The following HS3ST2 variants were observed in gnomAD, a reference collection of about 807,000 sequenced individuals.
HS3ST2 encodes the protein heparan sulfate-glucosamine 3-sulfotransferase 2, also known as heparan sulfate glucosamine 3-O-sulfotransferase 2.
A neutral mutation model predicts 26.3 loss-of-function variants in HS3ST2; 17 were observed. That is an observed-to-expected ratio of 0.65 (90% CI 0.44 to 0.97). The LOEUF is 0.97. HS3ST2 is among the 50% of genes least tolerant of loss of function. HS3ST2 has a pLI of 0.00. For missense variants in HS3ST2, 402 were observed against 501.2 expected (o/e 0.80, Z 1.89); for synonymous variants, 237 against 219.2 (o/e 1.08, Z -0.72).
rs978093863 is a variant in HS3ST2, at chr16:22,861,269, G to T, written c.485+46174G>T. ...CTAGAACCACAGCCCAGTCTGGGGG[G>T]TCCATCAGAGACTCTACACTTGTGG... On this transcript the variant is annotated intron_variant, in intron 1 of 1. Coordinates refer to ENST00000261374, the MANE Select transcript of HS3ST2 (RefSeq NM_006043.2). Among the ~76,000 whole-genome samples the T allele has an allele frequency of 3.9e-5, 6 of 152,034 alleles. No homozygotes were observed. In the Middle Eastern group the frequency reaches 0.014, roughly 345 times the overall value.
chr16:22,835,030 T>C (rs1901233812), intron 1 of HS3ST2, among the ~76,000 whole-genome samples: 1 of 152,204 alleles, frequency 6.6e-6, no homozygotes, highest in Non-Finnish European at 1.5e-5. Context: ...TTTAGTGTTT[T>C]ATTACTTCAG....
rs62049086 is a variant in HS3ST2, at chr16:22,914,936, C to T, written c.486-8C>T. ...CTATTTGATGATGTATTCCTTCTGCCCACACAGGAGCCTGATGCCCAGGAC... is the reference window on the plus strand; with the variant it reads ...CTATTTGATGATGTATTCCTTCTGCTCACACAGGAGCCTGATGCCCAGGAC... On this transcript the variant is annotated splice_region_variant and splice_polypyrimidine_tract_variant and intron_variant, in intron 1 of 1. Coordinates refer to ENST00000261374, the MANE Select transcript of HS3ST2 (RefSeq NM_006043.2). 166,851 of 1,604,768 alleles carry T rather than the reference C, an allele frequency of 0.1. 9,462 individuals are homozygous for T. Among genetic ancestry groups the T allele is most frequent in the Non-Finnish European group, 0.12 (139,400 of 1,177,308 alleles).
At chr16:22,870,032 G>T (rs575010708) in intron 1 of HS3ST2, among the ~76,000 whole-genome samples, 1 of 152,020 alleles carries the variant, frequency 6.6e-6, no homozygotes, top group Non-Finnish European at 1.5e-5. Context: ...TTAAAATGTA[G>T]GTATAATTTA....
At chr16:22,904,199 A>T (rs1174355705) in intron 1 of HS3ST2, among the ~76,000 whole-genome samples, 1 of 152,116 alleles carries the variant, frequency 6.6e-6, no homozygotes, top group Non-Finnish European at 1.5e-5. Context: ...CCCTCACACT[A>T]GGAAAAGGGG....
intron 1 of HS3ST2, among the ~76,000 whole-genome samples, chr16:22,902,048 T>A (rs923767405): frequency 1.3e-5 from 2 of 152,206 alleles, no homozygotes; most frequent in African/African-American, 4.8e-5. Flanking sequence ...AACTGTTAAA[T>A]GTATTGTGTA....
At chr16:22,845,781 G>C (rs560531140) in intron 1 of HS3ST2, among the ~76,000 whole-genome samples, 3 of 152,300 alleles carry the variant, frequency 2.0e-5, no homozygotes, top group African/African-American at 7.2e-5. Context: ...AAGCAACTTA[G>C]TAGGATGCTG....
intron 1 of HS3ST2, among the ~76,000 whole-genome samples, chr16:22,864,136 T>C (rs1901716225): frequency 6.6e-6 from 1 of 152,208 alleles, no homozygotes; most frequent in Admixed American, 6.5e-5. Context: ...TGACTGGCAG[T>C]CACCCAAACC....
chr16:22,823,458 T>C (rs1901031373), intron 1 of HS3ST2, among the ~76,000 whole-genome samples: 1 of 152,116 alleles, frequency 6.6e-6, no homozygotes, highest in Non-Finnish European at 1.5e-5. Context: ...ACTGACGTTA[T>C]GGGAAATATT....
intron 1 of HS3ST2, among the ~76,000 whole-genome samples, chr16:22,913,173 AGGGAGGGAGGGC>A (rs1216489284): frequency 2.5e-5 from 1 of 39,412 alleles, no homozygotes; most frequent in African/African-American, 7.8e-5. Context: ...GGAGGGAGGG[AGGGAGGGAGGGC>A]GGAAGGAAGG....
chr16:22,887,410 A>G (rs1902074545), intron 1 of HS3ST2, among the ~76,000 whole-genome samples: 1 of 152,212 alleles, frequency 6.6e-6, no homozygotes, highest in African/African-American at 2.4e-5. Context: ...GGCAGAAGAG[A>G]TGAGGGAGCT....
intron 1 of HS3ST2, among the ~76,000 whole-genome samples, chr16:22,888,969 G>A (rs1902099049): frequency 6.6e-6 from 1 of 152,112 alleles, no homozygotes. Context: ...CTTAATTAAG[G>A]CAAAAATTTG....
At chr16:22,865,547 C>G (rs1901739389) in intron 1 of HS3ST2, among the ~76,000 whole-genome samples, 1 of 151,736 alleles carries the variant, frequency 6.6e-6, no homozygotes, top group South Asian at 2.1e-4. Context: ...TAGAGTGAGA[C>G]TTAGTCTAAA....
chr16:22,853,272 T>C (rs965696568), intron 1 of HS3ST2, among the ~76,000 whole-genome samples: 1 of 152,212 alleles, frequency 6.6e-6, no homozygotes, highest in African/African-American at 2.4e-5. Context: ...TTCAAACTTC[T>C]TACAGGTGGA....
chr16:22,814,587 C>A lies in HS3ST2; in HGVS notation c.-24C>A. The stretch of plus-strand genomic sequence containing the variant: ...GCCGGTGCCCCCTCGGAAACCATGA[C>A]CCCCGGCGCGGGCCCATGGAGCCAT... On this transcript the variant is annotated 5_prime_UTR_variant, in exon 1 of 2. Transcript: ENST00000261374. 2.0e-6 allele frequency: 3 copies of A among 1,504,428 alleles called. No individual in the cohort carries two copies. The highest frequency in any genetic ancestry group is 2.7e-6 in the Non-Finnish European group (3 of 1,130,590). The allele number at this position is 1,504,428 out of a possible 1,614,324, so 93.2% of individuals were successfully genotyped here. A position where few individuals can be genotyped will look rare whatever the true frequency, so the allele number is the denominator to read the frequency against.
chr16:22,893,082 C>G (rs1426100808), intron 1 of HS3ST2, among the ~76,000 whole-genome samples: 2 of 152,200 alleles, frequency 1.3e-5, no homozygotes, highest in Non-Finnish European at 2.9e-5. Flanking sequence ...CTTTGCCTTG[C>G]CTAACTTTAA....
chr16:22,886,438 GTGCAGGGAT>G (rs1192746591), intron 1 of HS3ST2, among the ~76,000 whole-genome samples: 3 of 152,196 alleles, frequency 2.0e-5, no homozygotes, highest in Non-Finnish European at 4.4e-5. Context: ...CTTGTGTGAA[GTGCAGGGAT>G]GCTGCCGGCC....
chr16:22,857,819 A>G (rs1901616600), intron 1 of HS3ST2, among the ~76,000 whole-genome samples: 1 of 152,130 alleles, frequency 6.6e-6, no homozygotes, highest in South Asian at 2.1e-4. Flanking sequence ...TTAATAATCT[A>G]CTTATGATCG....
At chr16:22,835,440 A>C (rs1236921017) in intron 1 of HS3ST2, among the ~76,000 whole-genome samples, 2 of 152,048 alleles carry the variant, frequency 1.3e-5, no homozygotes, top group Non-Finnish European at 2.9e-5. Context: ...ATTTTACTCC[A>C]CTTTGTTTTT....
chr16:22,819,384 T>C (rs1900955284), intron 1 of HS3ST2, among the ~76,000 whole-genome samples: 1 of 152,168 alleles, frequency 6.6e-6, no homozygotes. Flanking sequence ...ATGCTCTCCA[T>C]TCTAAGGAAG....
Sources: gnomAD v4.1 joint callset for allele counts (sites outside exome capture counted in the v4.1 genomes callset) on GRCh38, gnomAD v4.1.1 for gene constraint, MANE v1.5 for transcripts, NCBI Gene and HGNC (gene_info 2026-07-23, HGNC 2026-07-21) for gene names.